Variants in RPH3AL observed in about 807,000 individuals in gnomAD.
RPH3AL encodes rab effector Noc2.
RPH3AL carries 38 observed loss-of-function variants against 43.1 expected under a neutral mutation model. The ratio of observed to expected loss-of-function variants is 0.88; its 90% CI spans 0.68 to 1.15. RPH3AL has a LOEUF of 1.15. RPH3AL is among the 50% of genes most tolerant of loss of function. The pLI, the probability that RPH3AL is intolerant of heterozygous loss-of-function variation, is 0.00. For synonymous variants in RPH3AL, 189 were observed against 176.3 expected (o/e 1.07, Z -0.57); for missense variants, 462 against 423.2 (o/e 1.09, Z -0.81).
intron 2 of RPH3AL, chr17:331,684 C>T: frequency 5.4e-6 from 7 of 1,287,758 alleles, no homozygotes; most frequent in Non-Finnish European, 7.1e-6. Context: ...AGGGCCTCAT[C>T]AGCCGACCCC....
At chr17:297,888 A>G (rs1183040260) in intron 5 of RPH3AL, among the ~76,000 whole-genome samples, 1 of 152,218 alleles carries the variant, frequency 6.6e-6, no homozygotes, top group Non-Finnish European at 1.5e-5. Context: ...GCCAGCGGAC[A>G]GGGAGGCTTC....
intron 6 of RPH3AL, among the ~76,000 whole-genome samples, chr17:251,240 G>A (rs1467097766): frequency 3.9e-5 from 6 of 152,164 alleles, no homozygotes; most frequent in African/African-American, 1.2e-4. Flanking sequence ...CATGGCACCC[G>A]CTTTGGAAAA....
In RPH3AL at chr17:316,315, T is replaced by C. The variant is rs373392324; in HGVS notation, c.351+3105A>G. Among the ~76,000 whole-genome samples, 9 of 139,786 alleles carry C rather than the reference T, an allele frequency of 6.4e-5. 1 individual carries two copies. Among genetic ancestry groups the C allele is most frequent in the African/African-American group, 8.0e-5 (3 of 37,318 alleles). The allele number at this position is 139,786 out of a possible 152,430, so 91.7% of individuals were successfully genotyped here. ...TCTGTGCTCCACCTCCATTGACCTG[T>C]AGTCCCTGTGCTCCACCTCCACTGA... On this transcript the variant is annotated intron_variant, in intron 5 of 9. Coordinates refer to ENST00000331302, the MANE Select transcript of RPH3AL (RefSeq NM_006987.4).
intron 7 of RPH3AL, among the ~76,000 whole-genome samples, chr17:244,228 C>CCCTTCCTCTATTGATTAA (rs2041685843): frequency 6.8e-6 from 1 of 147,162 alleles, no homozygotes; most frequent in Non-Finnish European, 1.5e-5. Context: ...CTATTGATTA[C>CCCTTCCTCTATTGATTAA]CCTTCCTCTA....
At chr17:219,938 T>C (rs1277848136) in intron 7 of RPH3AL, among the ~76,000 whole-genome samples, 1 of 152,182 alleles carries the variant, frequency 6.6e-6, no homozygotes, top group Non-Finnish European at 1.5e-5. Flanking sequence ...GGAGTCCTGA[T>C]GTGAGGAGGC....
At chr17:243,614 A>AC (rs751441903) in intron 7 of RPH3AL, among the ~76,000 whole-genome samples, 4 of 65,958 alleles carry the variant, frequency 6.1e-5, no homozygotes, top group East Asian at 4.8e-4. Flanking sequence ...TCTATTGATT[A>AC]CCTTCCTCTA....
chr17:216,358 A>G (rs1422584826), intron 8 of RPH3AL, among the ~76,000 whole-genome samples: 1 of 152,204 alleles, frequency 6.6e-6, no homozygotes, highest in African/African-American at 2.4e-5. Context: ...ATGAAAGTCC[A>G]CAATTATCAC....
chr17:339,155 C>T (rs1035773416), intron 1 of RPH3AL: 2 of 152,290 alleles, frequency 1.3e-5, no homozygotes, highest in Non-Finnish European at 2.9e-5. Flanking sequence ...CACAAACAGG[C>T]GTTTCTCTGT....
chr17:219,785 C>T, intron 7 of RPH3AL, 49 bp from the exon 8 acceptor site: 1 of 1,412,836 alleles, frequency 7.1e-7, no homozygotes, highest in Non-Finnish European at 1.0e-6. Flanking sequence ...CAGCCCCTAC[C>T]TGCAGGCATG....
chr17:236,956 C>T (rs1030170232), intron 7 of RPH3AL, among the ~76,000 whole-genome samples: 1 of 152,260 alleles, frequency 6.6e-6, no homozygotes, highest in Non-Finnish European at 1.5e-5. Flanking sequence ...CCTCCTCATC[C>T]ATCATCGACA....
At chr17:272,994 G>GAGAGACCCCAGCGAGGGGGACA (rs2042530470) in intron 6 of RPH3AL, among the ~76,000 whole-genome samples, 1 of 49,144 alleles carries the variant, frequency 2.0e-5, no homozygotes, top group African/African-American at 6.1e-5. Context: ...CTACGTCAGG[G>GAGAGACCCCAGCGAGGGGGACA]TGAGACCCCA....
chr17:272,636 A>G (rs1020159497), intron 6 of RPH3AL, among the ~76,000 whole-genome samples: 2 of 148,738 alleles, frequency 1.3e-5, no homozygotes, highest in African/African-American at 4.9e-5. Flanking sequence ...GGATAGCATT[A>G]GGAGATATAC....
At chr17:340,626 TCC>T (rs1368774784) in intron 1 of RPH3AL, among the ~76,000 whole-genome samples, 4 of 934 alleles carry the variant, frequency 4.3e-3, no homozygotes, top group African/African-American at 5.2e-3. Context: ...ACTGCCCCCC[TCC>T]CAGGCCTCCC....
chr17:318,320 G>T (rs2044358151), intron 5 of RPH3AL, among the ~76,000 whole-genome samples: 3 of 152,176 alleles, frequency 2.0e-5, no homozygotes, highest in South Asian at 4.1e-4. Flanking sequence ...GGCAGAGGTT[G>T]CAGTGAGCCA....
At position 283,881 on chromosome 17, in the gene RPH3AL, G is replaced by T. The variant is rs2042841477; in HGVS notation, c.352-2027C>A. ...CCTAATGTTCCCACCTCTACAACAG[G>T]GTCCCCCATCAGCCTATGAGGTGGG... On this transcript the variant is annotated intron_variant, in intron 5 of 9. Transcript: ENST00000331302. This position sits in a 1 kb window ranked among gnomAD's most constrained non-coding sequence, Gnocchi z 4.2. Among the ~76,000 whole-genome samples the T allele has an allele frequency of 6.6e-6, 1 of 152,078 alleles. No homozygotes were observed. The highest frequency in any genetic ancestry group is 6.5e-5 in the Admixed American group (1 of 15,280).
In RPH3AL at chr17:345,568, A is replaced by G. The variant is rs184520976; in HGVS notation, c.-213+7144T>C. Among the ~76,000 whole-genome samples the G allele has an allele frequency of 1.3e-4, 17 of 134,778 alleles. 2 individuals are homozygous for G. The highest frequency in any genetic ancestry group is 4.3e-4 in the African/African-American group (17 of 39,464). 88.4% of individuals were successfully genotyped at this position (134,778 alleles called of 152,430 possible). A position where few individuals can be genotyped will look rare whatever the true frequency, so the allele number is the denominator to read the frequency against. On this transcript the variant is annotated intron_variant, in intron 1 of 9. Coordinates refer to ENST00000331302, the MANE Select transcript of RPH3AL (RefSeq NM_006987.4). ...AGAGAACTGAGTCCTGGGGCAAGTG[A>G]GAGGAGGCTAGGAGCAGTGCCCTGA... is the stretch of plus-strand genomic sequence containing the variant.
At chr17:277,189 C>G (rs1488875832) in intron 6 of RPH3AL, among the ~76,000 whole-genome samples, 1 of 152,018 alleles carries the variant, frequency 6.6e-6, no homozygotes, top group Non-Finnish European at 1.5e-5. Flanking sequence ...ATCTATATGA[C>G]AGAATGTTTA....
At chr17:349,987 G>C (rs563277778) in intron 1 of RPH3AL, among the ~76,000 whole-genome samples, 1 of 152,292 alleles carries the variant, frequency 6.6e-6, no homozygotes, top group Non-Finnish European at 1.5e-5. Flanking sequence ...ATTCCTCCAA[G>C]TTAAATAGTG....
chr17:223,710 C>T (rs542808608), intron 7 of RPH3AL, among the ~76,000 whole-genome samples: 191 of 152,280 alleles, frequency 1.3e-3, no homozygotes, highest in Admixed American at 2.4e-3. Flanking sequence ...GATGAGGAAA[C>T]GGTAGCTGCC....
Sources: gnomAD v4.1 joint callset for allele counts (sites outside exome capture counted in the v4.1 genomes callset) on GRCh38, gnomAD v4.1.1 for gene constraint, Gnocchi (gnomAD v3.1) non-coding constraint, MANE v1.5 for transcripts, NCBI Gene and HGNC (gene_info 2026-07-23, HGNC 2026-07-21) for gene names.